Variants in RGS6 observed in about 807,000 individuals in gnomAD.
RGS6 encodes regulator of G protein signaling 6.
RGS6 carries 30 observed loss-of-function variants against 78.5 expected under a neutral mutation model. That is an observed-to-expected ratio of 0.38 (90% confidence interval 0.29 to 0.52). The LOEUF is 0.52. Ranked by LOEUF, RGS6 falls within the 20% of genes least tolerant of loss-of-function variation. RGS6 has a pLI of 0.85. For synonymous variants in RGS6, 206 were observed against 206.0 expected (o/e 1.00, Z 0.00); for missense variants, 495 against 609.7 (o/e 0.81, Z 1.98).
chr14:72,346,604 G>T (rs559063827), intron 2 of RGS6, among the ~76,000 whole-genome samples: 30 of 152,218 alleles, frequency 2.0e-4, no homozygotes, highest in Non-Finnish European at 3.4e-4. Context: ...TTCCCTTGCA[G>T]ACAGAGTTTT....
the RGS6 span, among the ~76,000 whole-genome samples, chr14:71,914,626 G>A: frequency 2.0e-5 from 3 of 151,938 alleles, no homozygotes; most frequent in Non-Finnish European, 4.4e-5. Flanking sequence ...AAAAGAATCA[G>A]GCCCCTTTTA....
chr14:72,562,897 C>T lies in RGS6; in HGVS notation c.*430C>T. 1.3e-6 allele frequency: 1 copy of T among 748,762 alleles called. No individual in the cohort carries two copies. The highest frequency in any genetic ancestry group is 2.3e-6 in the Non-Finnish European group (1 of 439,968). 46.4% of individuals were successfully genotyped at this position (748,762 alleles called of 1,614,324 possible). A position where few individuals can be genotyped will look rare whatever the true frequency, so the allele number is the denominator to read the frequency against. ...AGGCATGAGTGGACCGAGAGCACAT[C>T]CAGCATTTGCATCACCTCCCTGGCA... On this transcript the variant is annotated 3_prime_UTR_variant, in exon 18 of 18. Transcript: ENST00000553525.
chr14:72,054,665 C>G (rs1315652175), intron 2 of RGS6, among the ~76,000 whole-genome samples: 1 of 152,126 alleles, frequency 6.6e-6, no homozygotes, highest in Non-Finnish European at 1.5e-5. Context: ...ATCTAAGAAT[C>G]AGAACATTAT....
At chr14:72,014,435 A>T (rs2086527476) in intron 2 of RGS6, among the ~76,000 whole-genome samples, 1 of 152,190 alleles carries the variant, frequency 6.6e-6, no homozygotes, top group Non-Finnish European at 1.5e-5. Flanking sequence ...AATATTTTTG[A>T]GTCTAACAAA....
intron 2 of RGS6, among the ~76,000 whole-genome samples, chr14:72,244,361 C>G (rs699359): frequency 0.89 from 135,441 of 151,748 alleles, 60,635 homozygotes; most frequent in South Asian, 0.93. Flanking sequence ...CCCACACTTT[C>G]TACTTCATCA....
chr14:71,981,190 C>T lies in RGS6; in HGVS notation c.84+16315C>T, dbSNP rs1400666396. 8.6e-5 allele frequency among the ~76,000 whole-genome samples: 13 copies of T among 150,520 alleles called. No homozygotes were observed. In the East Asian group the frequency reaches 2.4e-3, roughly 28 times the overall value. ...AAATTTTTTTCAAAGTTTTCAACTT[C>T]TTTGCCTTTGGTTTGAATGTCCTCC... On this transcript the variant is annotated intron_variant, in intron 2 of 17. Coordinates refer to ENST00000553525, the MANE Select transcript of RGS6 (RefSeq NM_001204424.2).
chr14:71,889,631 T>C, the RGS6 span, among the ~76,000 whole-genome samples: 1 of 152,128 alleles, frequency 6.6e-6, no homozygotes, highest in African/African-American at 2.4e-5. Context: ...GCACGCACTT[T>C]GCAGGGCGTA....
chr14:72,165,249 C>G (rs981583644), intron 2 of RGS6, among the ~76,000 whole-genome samples: 3 of 152,228 alleles, frequency 2.0e-5, no homozygotes, highest in African/African-American at 7.2e-5. Context: ...CATGCAGCGT[C>G]TTTACACCAG....
chr14:71,965,561 T>C (rs929590922), intron 2 of RGS6, among the ~76,000 whole-genome samples: 2 of 152,140 alleles, frequency 1.3e-5, no homozygotes, highest in African/African-American at 4.8e-5. Flanking sequence ...AGCTTGGACA[T>C]AGGATGCATT....
chr14:72,251,694 C>G (rs1038401337), intron 2 of RGS6, among the ~76,000 whole-genome samples: 3 of 152,050 alleles, frequency 2.0e-5, no homozygotes, highest in Non-Finnish European at 4.4e-5. Flanking sequence ...ACAATCGACA[C>G]CAGGGACTAC....
intron 2 of RGS6, among the ~76,000 whole-genome samples, chr14:72,064,133 C>T (rs937263360): frequency 6.6e-6 from 1 of 151,978 alleles, no homozygotes; most frequent in African/African-American, 2.4e-5. Context: ...CAGTAGGGCA[C>T]TTGCAAGGGA....
intron 11 of RGS6, 193 bp downstream of exon 11, chr14:72,477,033 C>T: frequency 1.8e-6 from 1 of 568,724 alleles, no homozygotes; most frequent in Non-Finnish European, 3.1e-6. Context: ...GAATTCTCTA[C>T]CCAGTTCCTC....
chr14:72,603,869 C>G, the RGS6 span, among the ~76,000 whole-genome samples: 3 of 152,010 alleles, frequency 2.0e-5, no homozygotes, highest in Non-Finnish European at 4.4e-5. Context: ...TAGAGTGGTT[C>G]GTTGTGAGAA....
intron 2 of RGS6, among the ~76,000 whole-genome samples, chr14:72,210,748 A>C (rs1019914814): frequency 6.6e-6 from 1 of 152,016 alleles, no homozygotes; most frequent in African/African-American, 2.4e-5. Flanking sequence ...ATTCCCAGAA[A>C]TGCCATCTTA....
intron 2 of RGS6, among the ~76,000 whole-genome samples, chr14:71,985,647 C>T (rs1360863351): frequency 6.6e-6 from 1 of 152,212 alleles, no homozygotes; most frequent in East Asian, 1.9e-4. Context: ...CATTGAACTA[C>T]AGAAAGAGGG....
chr14:72,235,895 G>A (rs2050884056), intron 2 of RGS6, among the ~76,000 whole-genome samples: 1 of 152,160 alleles, frequency 6.6e-6, no homozygotes, highest in African/African-American at 2.4e-5. Flanking sequence ...AAGTGAAATT[G>A]GTTTCTTTAA....
At chr14:72,387,242 T>C (rs1596568468) in intron 3 of RGS6, among the ~76,000 whole-genome samples, 1 of 152,082 alleles carries the variant, frequency 6.6e-6, no homozygotes, top group Non-Finnish European at 1.5e-5. Context: ...CAATGGCTGG[T>C]TTCCTTATAA....
chr14:72,138,741 C>A (rs1044619793), intron 2 of RGS6, among the ~76,000 whole-genome samples: 1 of 152,058 alleles, frequency 6.6e-6, no homozygotes, highest in African/African-American at 2.4e-5. Context: ...GGAGCACAAG[C>A]CCTGTTGTGA....
intron 6 of RGS6, among the ~76,000 whole-genome samples, chr14:72,463,940 C>T (rs2095842494): frequency 6.6e-6 from 1 of 152,182 alleles, no homozygotes; most frequent in East Asian, 1.9e-4. Flanking sequence ...ATATGCACAC[C>T]TTAAGCACCT....
Sources: allele counts gnomAD v4.1 joint callset (sites outside exome capture counted in the v4.1 genomes callset), GRCh38; gene constraint gnomAD v4.1.1; transcripts MANE v1.5; gene names NCBI Gene and HGNC (gene_info 2026-07-23, HGNC 2026-07-21).